The following PREP variants were observed in gnomAD, a reference collection of about 807,000 sequenced individuals.
PREP encodes dJ355L5.1 (prolyl endopeptidase).
A neutral mutation model predicts 87.6 loss-of-function variants in PREP; 29 were observed. The ratio of observed to expected loss-of-function variants is 0.33; its 90% CI spans 0.25 to 0.45. The LOEUF (loss-of-function observed/expected upper bound fraction) is 0.45, where lower values mean the gene tolerates loss of function less well. Ranked by LOEUF, PREP falls within the 20% of genes least tolerant of loss-of-function variation. PREP has a pLI of 1.00. For missense variants in PREP, 695 were observed against 886.5 expected (o/e 0.78, Z 2.74); for synonymous variants, 337 against 328.6 (o/e 1.03, Z -0.28).
intron 11 of PREP, among the ~76,000 whole-genome samples, chr6:105,286,538 A>T (rs1770191205): frequency 6.6e-6 from 1 of 152,202 alleles, no homozygotes; most frequent in Non-Finnish European, 1.5e-5. Context: ...CCCTAAAAGT[A>T]CTGAGTGACA....
Position 105,397,895 on chromosome 6 carries a change from G to A in PREP, c.78C>T (p.Asp26=), listed in dbSNP as rs751902295. 1 of 1,612,524 alleles carries A rather than the reference G, an allele frequency of 6.2e-7. No individual in the cohort carries two copies. The highest frequency in any genetic ancestry group is 1.1e-5 in the South Asian group (1 of 91,050). The change falls in exon 2 of 15, where the codon GAC becomes GAT. Residue 26 remains aspartate (D), a synonymous_variant. Transcript: ENST00000652536. The part of the protein sequence containing the change: ...VQDYHGHKIC[D]PYAWLEDPDS... ...CGGGGTCTTCAAGCCAGGCGTAAGG[G>A]TCACAAATTTTATGACCATGATAAT... is the stretch of plus-strand genomic sequence containing the variant.
At chr6:105,389,772 C>A (rs1773091501) in intron 2 of PREP, among the ~76,000 whole-genome samples, 1 of 152,044 alleles carries the variant, frequency 6.6e-6, no homozygotes, top group African/African-American at 2.4e-5. Context: ...TGGATCCGGG[C>A]TAGGGAAAGC....
At chr6:105,369,139 G>C (rs974075691) in intron 5 of PREP, 115 bp from the exon 6 acceptor site, 1 of 1,042,124 alleles carries the variant, frequency 9.6e-7, no homozygotes, top group African/African-American at 1.6e-5. Context: ...CAGGATACAA[G>C]GTTAACATAC....
chr6:105,363,879 T>C (rs544127233), intron 6 of PREP, among the ~76,000 whole-genome samples: 6 of 152,252 alleles, frequency 3.9e-5, no homozygotes, highest in African/African-American at 1.4e-4. Context: ...AGAGAGTTTA[T>C]AACCCACATC....
chr6:105,398,851 T>C (rs56300468), intron 1 of PREP, among the ~76,000 whole-genome samples: 6,166 of 152,240 alleles, frequency 0.041, 185 homozygotes, highest in South Asian at 0.14. Flanking sequence ...CTCACAGCCA[T>C]AATCCCAGCA....
At chr6:105,351,100 G>C (rs535320181) in intron 7 of PREP, among the ~76,000 whole-genome samples, 1 of 152,298 alleles carries the variant, frequency 6.6e-6, no homozygotes, top group South Asian at 2.1e-4. Context: ...TATCAACTTG[G>C]CTAGGCTAGT....
intron 2 of PREP, among the ~76,000 whole-genome samples, chr6:105,393,935 T>C (rs74733831): frequency 1.2e-4 from 18 of 152,098 alleles, no homozygotes; most frequent in Admixed American, 5.9e-4. Flanking sequence ...TTTTTTTTTT[T>C]CAAACTAAGT....
chr6:105,382,596 T>C (rs1772874591), intron 2 of PREP, among the ~76,000 whole-genome samples: 1 of 152,190 alleles, frequency 6.6e-6, no homozygotes, highest in Non-Finnish European at 1.5e-5. Flanking sequence ...GAATTACTCA[T>C]TAAATAAATA....
At chr6:105,320,576 G>C (rs1156580217) in intron 10 of PREP, among the ~76,000 whole-genome samples, 1 of 152,192 alleles carries the variant, frequency 6.6e-6, no homozygotes, top group Non-Finnish European at 1.5e-5. Flanking sequence ...CCACCAGGTA[G>C]GCAGTGCCAT....
intron 6 of PREP, among the ~76,000 whole-genome samples, chr6:105,364,271 C>G (rs1054575907): frequency 2.6e-5 from 4 of 152,304 alleles, no homozygotes; most frequent in Non-Finnish European, 5.9e-5. Context: ...TGAAGGCAGT[C>G]GTCCCGGGAA....
intron 10 of PREP, among the ~76,000 whole-genome samples, chr6:105,314,123 A>G (rs985915390): frequency 6.6e-6 from 1 of 152,238 alleles, no homozygotes; most frequent in African/African-American, 2.4e-5. Flanking sequence ...ATGTCTTAAA[A>G]AAAAGTACCT....
intron 3 of PREP, among the ~76,000 whole-genome samples, chr6:105,377,098 T>C (rs1417389878): frequency 6.6e-6 from 1 of 152,216 alleles, no homozygotes; most frequent in Non-Finnish European, 1.5e-5. Flanking sequence ...CCTCCACTGC[T>C]GTCTATGAAT....
chr6:105,355,692 C>T (rs1330731711), intron 6 of PREP, among the ~76,000 whole-genome samples: 1 of 152,114 alleles, frequency 6.6e-6, no homozygotes, highest in African/African-American at 2.4e-5. Context: ...TTTTTGTCCT[C>T]TCACCCCTAT....
At chr6:105,399,865 G>A (rs967077866) in intron 1 of PREP, among the ~76,000 whole-genome samples, 3 of 152,194 alleles carry the variant, frequency 2.0e-5, no homozygotes, top group Non-Finnish European at 2.9e-5. Flanking sequence ...GACTAAAGCA[G>A]TCAGCCCACC....
intron 8 of PREP, among the ~76,000 whole-genome samples, chr6:105,330,802 C>T (rs1367269337): frequency 6.6e-6 from 1 of 152,192 alleles, no homozygotes; most frequent in Non-Finnish European, 1.5e-5. Flanking sequence ...CACCAGGGGC[C>T]TTGATCTTGG....
At chr6:105,282,695 C>A in intron 12 of PREP, 113 bp from the exon 13 acceptor site, 2 of 1,226,830 alleles carry the variant, frequency 1.6e-6, no homozygotes. Context: ...ACTTAAAAAC[C>A]ATGGGTTAAC....
At chr6:105,304,415 T>C (rs949460407) in intron 10 of PREP, among the ~76,000 whole-genome samples, 5 of 152,302 alleles carry the variant, frequency 3.3e-5, no homozygotes, top group Admixed American at 2.6e-4. Flanking sequence ...AATTGTTAAG[T>C]AAGGAACCCA....
At chr6:105,333,182 CTTCA>C (rs1014467083) in intron 8 of PREP, 128 bp downstream of exon 8, 2 of 817,130 alleles carry the variant, frequency 2.4e-6, no homozygotes, top group Non-Finnish European at 3.9e-6. Flanking sequence ...TATTTAGACA[CTTCA>C]TTCCTGATGA....
In PREP at chr6:105,328,811, C is replaced by G; in HGVS notation, c.1213+18G>C. On this transcript the variant is annotated intron_variant, in intron 9 of 14. Transcript: ENST00000652536. ...GTCGGATTTTTAAAGTGAACAGCAA[C>G]AGTGAAAAAACACTTACCTGGAGAT... 6.2e-7 allele frequency: 1 copy of G among 1,611,804 alleles called. No individual in the cohort carries two copies.
Sources: allele counts gnomAD v4.1 joint callset (sites outside exome capture counted in the v4.1 genomes callset), GRCh38; gene constraint gnomAD v4.1.1; transcripts MANE v1.5; gene names NCBI Gene and HGNC (gene_info 2026-07-23, HGNC 2026-07-21).